Variants in ZFHX4 observed in about 807,000 individuals in gnomAD.
ZFHX4 encodes the protein zinc finger homeobox protein 4.
In ZFHX4, 56 loss-of-function variants were observed where a neutral mutation model predicts 267.6. The ratio of observed to expected loss-of-function variants is 0.21; its 90% CI spans 0.17 to 0.26. The LOEUF (loss-of-function observed/expected upper bound fraction) is 0.26, where lower values mean the gene tolerates loss of function less well. ZFHX4 is among the 10% of genes least tolerant of loss of function. ZFHX4 has a pLI of 1.00. For synonymous variants in ZFHX4, 1,778 were observed against 1,665.6 expected (o/e 1.07, Z -1.64); for missense variants, 4,332 against 4,420.0 (o/e 0.98, Z 0.56).
chr8:76,792,620 T>C (rs148474483), intron 4 of ZFHX4, among the ~76,000 whole-genome samples: 2 of 152,298 alleles, frequency 1.3e-5, no homozygotes, highest in Non-Finnish European at 2.9e-5. Context: ...AAGCAAATAG[T>C]TCTTTGGTTT....
At chr8:76,814,514 C>T (rs980778752) in intron 4 of ZFHX4, among the ~76,000 whole-genome samples, 7 of 151,962 alleles carry the variant, frequency 4.6e-5, no homozygotes, top group East Asian at 3.9e-4. Context: ...CAGTTTTATA[C>T]GAAGAAGGTC....
At chr8:76,805,026 G>A (rs1456482738) in intron 4 of ZFHX4, among the ~76,000 whole-genome samples, 6 of 152,104 alleles carry the variant, frequency 3.9e-5, no homozygotes, top group Admixed American at 3.9e-4. Flanking sequence ...GCAGGTGAAA[G>A]GGGTTTACCT....
intron 3 of ZFHX4, among the ~76,000 whole-genome samples, chr8:76,730,656 A>G (rs1808984318): frequency 6.6e-6 from 1 of 152,018 alleles, no homozygotes; most frequent in Non-Finnish European, 1.5e-5. Flanking sequence ...TCGAGATTGC[A>G]CCATTGCACT....
chr8:76,840,741 T>A (rs1484793650), intron 5 of ZFHX4, among the ~76,000 whole-genome samples: 1 of 152,090 alleles, frequency 6.6e-6, no homozygotes, highest in Non-Finnish European at 1.5e-5. Flanking sequence ...TTCCCCGGGA[T>A]GAGTTGAAAA....
chr8:76,717,274 A>C (rs1228160768), intron 3 of ZFHX4, among the ~76,000 whole-genome samples: 2 of 152,080 alleles, frequency 1.3e-5, no homozygotes, highest in Non-Finnish European at 2.9e-5. Flanking sequence ...TCTCTCCATC[A>C]TATGTTGATA....
intron 1 of ZFHX4, among the ~76,000 whole-genome samples, chr8:76,694,155 A>G (rs1378515886): frequency 1.3e-5 from 2 of 152,206 alleles, no homozygotes; most frequent in East Asian, 3.9e-4. Flanking sequence ...CGTGTACATA[A>G]CAAGAACGAT....
At chr8:76,843,190 C>T (rs186749297) in intron 6 of ZFHX4, among the ~76,000 whole-genome samples, 217 of 152,278 alleles carry the variant, frequency 1.4e-3, no homozygotes, top group African/African-American at 4.8e-3. Context: ...CACATGTATT[C>T]GCCCGCCAAA....
In ZFHX4 at chr8:76,864,768, G is replaced by A. The variant is rs542187565; in HGVS notation, c.*203G>A. On this transcript the variant is annotated 3_prime_UTR_variant, in exon 11 of 11. Coordinates refer to ENST00000651372, the MANE Select transcript of ZFHX4 (RefSeq NM_024721.5). ...AGAACTGATGCAGATGGTTGAATGC[G>A]CTTGTACTATATGCTAAAATATGGA... 24 of 396,142 alleles carry A rather than the reference G, an allele frequency of 6.1e-5. No homozygotes were observed. The highest frequency in any genetic ancestry group is 1.4e-3 in the Middle Eastern group (2 of 1,480). The allele number at this position is 396,142 out of a possible 1,614,324, so 24.5% of individuals were successfully genotyped here.
chr8:76,750,852 C>A (rs1809595672), intron 3 of ZFHX4, among the ~76,000 whole-genome samples: 2 of 152,088 alleles, frequency 1.3e-5, no homozygotes, highest in Non-Finnish European at 2.9e-5. Context: ...TTCTAAACTT[C>A]ATTTTGAAAT....
intron 3 of ZFHX4, among the ~76,000 whole-genome samples, chr8:76,753,675 C>T (rs1809684597): frequency 1.4e-5 from 2 of 144,518 alleles, no homozygotes; most frequent in Non-Finnish European, 3.0e-5. Flanking sequence ...CACACTGTCA[C>T]CAAGGCTGGA....
chr8:76,719,345 A>G (rs1585879681), intron 3 of ZFHX4, among the ~76,000 whole-genome samples: 2 of 152,054 alleles, frequency 1.3e-5, no homozygotes, highest in Non-Finnish European at 2.9e-5. Flanking sequence ...CAGTTCCTAG[A>G]GATAATAAAC....
At chr8:76,692,763 G>A (rs1028078366) in intron 1 of ZFHX4, among the ~76,000 whole-genome samples, 4 of 151,652 alleles carry the variant, frequency 2.6e-5, no homozygotes, top group African/African-American at 9.7e-5. Context: ...TAAAATTATT[G>A]TTTATAATTT....
At chr8:76,764,141 C>T (rs1235979597) in intron 3 of ZFHX4, among the ~76,000 whole-genome samples, 2 of 152,028 alleles carry the variant, frequency 1.3e-5, no homozygotes, top group Admixed American at 1.3e-4. Flanking sequence ...AAAGACTATA[C>T]AAAGAACTAT....
chr8:76,719,150 A>ATGTGTGTGTG (rs10589034), intron 3 of ZFHX4, among the ~76,000 whole-genome samples: 3 of 134,482 alleles, frequency 2.2e-5, no homozygotes, highest in African/African-American at 7.9e-5. Context: ...GATGAATTGC[A>ATGTGTGTGTG]TGTGTGTGTG....
At chr8:76,714,445 C>T (rs1179954497) in intron 3 of ZFHX4, among the ~76,000 whole-genome samples, 4 of 152,166 alleles carry the variant, frequency 2.6e-5, no homozygotes, top group Non-Finnish European at 5.9e-5. Context: ...TTAAAAGGTG[C>T]TTTCTGCCTG....
chr8:76,681,632 C>G lies in ZFHX4; in HGVS notation c.-47+12C>G, dbSNP rs1405030414. On this transcript the variant is annotated intron_variant, in intron 1 of 10. Coordinates refer to ENST00000651372, the MANE Select transcript of ZFHX4 (RefSeq NM_024721.5). ...AGGGGAAATGGAAAGTAAGTTTTTT[C>G]TTTAACTTTTATTGAGTAGTTTCTG... The G allele has an allele frequency of 2.5e-6, 1 of 395,606 alleles. No individual in the cohort carries two copies. The highest frequency in any genetic ancestry group is 4.4e-6 in the Non-Finnish European group (1 of 224,828). 24.5% of individuals were successfully genotyped at this position (395,606 alleles called of 1,614,324 possible).
intron 3 of ZFHX4, among the ~76,000 whole-genome samples, chr8:76,754,472 G>A (rs1370715422): frequency 2.0e-5 from 3 of 149,478 alleles, no homozygotes; most frequent in Non-Finnish European, 2.9e-5. Flanking sequence ...CTGGGCAACA[G>A]AGCAAGACTC....
intron 4 of ZFHX4, among the ~76,000 whole-genome samples, chr8:76,817,853 A>G (rs757875476): frequency 5.9e-5 from 9 of 152,248 alleles, no homozygotes; most frequent in Non-Finnish European, 1.3e-4. Context: ...TGGAATCAGA[A>G]TCAGAATGAA....
chr8:76,705,824 G>C lies in ZFHX4; in HGVS notation c.1736G>C (p.Arg579Pro), dbSNP rs377425840. The C allele has an allele frequency of 2.1e-4, 343 of 1,613,886 alleles. 5 individuals carry two copies. The South Asian group carries it at 2.4e-3, about 11-fold the overall frequency. ...GCTGCTCATCCAAGTGAAATAGCCC[G>C]GGGAGACGAAGACAGTTCAGCCACT... ...ATAAHPSEIA[R>P]GDEDSSATPH... The change falls in exon 2 of 11, where the codon CGG (arginine) becomes CCG (proline). Residue 579 changes from arginine (R) to proline (P), a missense_variant. By Grantham distance (103) the Arg-to-Pro change is moderately radical (BLOSUM62 -2). Transcript: ENST00000651372.
Sources: gnomAD v4.1 joint callset for allele counts (sites outside exome capture counted in the v4.1 genomes callset) on GRCh38, gnomAD v4.1.1 for gene constraint, MANE v1.5 for transcripts, NCBI Gene and HGNC (gene_info 2026-07-23, HGNC 2026-07-21) for gene names.